Variants in PRUNE2 observed in about 807,000 individuals in gnomAD.
PRUNE2 encodes the protein protein prune homolog 2.
In PRUNE2, 164 loss-of-function variants were observed where a neutral mutation model predicts 252.0. That is an observed-to-expected ratio of 0.65 (90% CI 0.57 to 0.74). The LOEUF (loss-of-function observed/expected upper bound fraction) is 0.74. Among genes scored for constraint, PRUNE2 ranks in the 30% least tolerant of loss-of-function variants. The probability of loss-of-function intolerance (pLI) is 0.00; values close to 1 mark genes in which losing one functional copy is unlikely to be tolerated. For synonymous variants in PRUNE2, 1,292 were observed against 1,350.2 expected (o/e 0.96, Z 0.94); for missense variants, 3,495 against 3,711.0 (o/e 0.94, Z 1.51).
intron 7 of PRUNE2, among the ~76,000 whole-genome samples, chr9:76,711,719 A>G (rs1588757952): frequency 6.6e-6 from 1 of 152,252 alleles, no homozygotes; most frequent in African/African-American, 2.4e-5. Flanking sequence ...GCTGACAACT[A>G]TAGGAAAAGT....
At position 76,854,180 on chromosome 9, in the gene PRUNE2, T is replaced by A. The variant is rs141074390; in HGVS notation, c.65A>T (p.His22Leu). ...LNRSKRLEKV[H>L]VVIGPKSCDL... is the part of the protein sequence containing the mutation. ...ACACGATTTAGGCCCAATAACCACATGGACCTTCTCCAAGCGTTTGCTTCG... is the reference window on the plus strand; with the variant it reads ...ACACGATTTAGGCCCAATAACCACAAGGACCTTCTCCAAGCGTTTGCTTCG... Residue 22 changes from histidine to leucine, a missense_variant, in exon 2 of 19, where the codon CAT becomes CTT. His to Leu is a moderately conservative substitution (Grantham distance 99, BLOSUM62 -3). Coordinates refer to ENST00000376718, the MANE Select transcript of PRUNE2 (RefSeq NM_015225.3). The A allele has an allele frequency of 4.8e-4, 775 of 1,601,568 alleles. No individual in the cohort carries two copies. The highest frequency in any genetic ancestry group is 6.4e-4 in the Non-Finnish European group (747 of 1,171,890).
At chr9:76,702,609 G>GTGAATGAATGAATGAATGAA (rs59841123) in intron 9 of PRUNE2, among the ~76,000 whole-genome samples, 32,767 of 150,780 alleles carry the variant, frequency 0.22, 3,997 homozygotes, top group Non-Finnish European at 0.27. Context: ...AAACCACATG[G>GTGAATGAATGAATGAATGAA]TGAATGAATG....
rs73454189 is a variant in PRUNE2, at chr9:76,621,685, T to G, written c.9189-2298A>C. Among the ~76,000 whole-genome samples, 282 of 149,074 alleles carry G rather than the reference T, an allele frequency of 1.9e-3. 2 individuals are homozygous for G. Among genetic ancestry groups the G allele is most frequent in the African/African-American group, 6.8e-3 (275 of 40,208 alleles). On this transcript the variant is annotated intron_variant, in intron 17 of 18. Coordinates refer to ENST00000376718, the MANE Select transcript of PRUNE2 (RefSeq NM_015225.3). ...CTGGGAACTTGTTAGAAATGCAGAC[T>G]TTTTTTTTTCTTGAGACAGGGTCTC...
chr9:76,640,360 C>T (rs1411635338), intron 12 of PRUNE2, among the ~76,000 whole-genome samples: 1 of 152,086 alleles, frequency 6.6e-6, no homozygotes, highest in Non-Finnish European at 1.5e-5. Context: ...GGGAAGAGAG[C>T]AAAACTAACT....
At chr9:76,655,078 T>A (rs188343943) in intron 10 of PRUNE2, among the ~76,000 whole-genome samples, 147 of 152,340 alleles carry the variant, frequency 9.6e-4, no homozygotes, top group South Asian at 1.2e-3. Flanking sequence ...ACATTTCCAA[T>A]TTTAAACATT....
At chr9:76,723,026 C>T (rs927295102) in intron 6 of PRUNE2, among the ~76,000 whole-genome samples, 2 of 152,188 alleles carry the variant, frequency 1.3e-5, no homozygotes, top group African/African-American at 4.8e-5. Context: ...CAATTGCTAA[C>T]AATAATGCGC....
intron 6 of PRUNE2, among the ~76,000 whole-genome samples, chr9:76,771,061 A>G (rs1564263569): frequency 6.6e-6 from 1 of 152,170 alleles, no homozygotes; most frequent in Admixed American, 6.5e-5. Context: ...TCGACAAAAA[A>G]TTATCTAAAG....
intron 17 of PRUNE2, among the ~76,000 whole-genome samples, chr9:76,622,128 GAACT>G (rs1453254862): frequency 4.6e-5 from 7 of 152,152 alleles, no homozygotes; most frequent in Admixed American, 3.3e-4. Flanking sequence ...CAACAGCAAT[GAACT>G]GAATGTTATG....
At chr9:76,784,529 C>G (rs940273692) in intron 6 of PRUNE2, 1 of 152,228 alleles carries the variant, frequency 6.6e-6, no homozygotes, top group African/African-American at 2.4e-5. Context: ...AATATCTGAT[C>G]TCTACGGTTC....
At chr9:76,862,488 T>G (rs188146356) in intron 1 of PRUNE2, 5 of 152,190 alleles carry the variant, frequency 3.3e-5, no homozygotes, top group Non-Finnish European at 5.9e-5. Flanking sequence ...GGCCTCCAGG[T>G]TGGAGTCATG....
At chr9:76,879,074 AGT>A (rs1264377320) in intron 1 of PRUNE2, among the ~76,000 whole-genome samples, 1 of 152,214 alleles carries the variant, frequency 6.6e-6, no homozygotes, top group Non-Finnish European at 1.5e-5. Flanking sequence ...CATTTTCCAA[AGT>A]GTGTTCCAGT....
chr9:76,717,300 C>T (rs1030036074), intron 6 of PRUNE2, among the ~76,000 whole-genome samples: 2 of 152,170 alleles, frequency 1.3e-5, no homozygotes, highest in African/African-American at 2.4e-5. Context: ...GGAGGCAGAG[C>T]GTGTTTGTTC....
intron 6 of PRUNE2, among the ~76,000 whole-genome samples, chr9:76,761,414 G>T (rs1164422980): frequency 1.3e-5 from 2 of 152,100 alleles, no homozygotes; most frequent in Non-Finnish European, 1.5e-5. Flanking sequence ...AAATGGTGTC[G>T]ACAAAAATTA....
intron 1 of PRUNE2, among the ~76,000 whole-genome samples, chr9:76,890,660 C>T (rs542857211): frequency 6.6e-6 from 1 of 152,226 alleles, no homozygotes; most frequent in African/African-American, 2.4e-5. Context: ...AAATATCATC[C>T]CAAGTCTACT....
At chr9:76,893,836 G>C (rs904965449) in intron 1 of PRUNE2, among the ~76,000 whole-genome samples, 3 of 152,152 alleles carry the variant, frequency 2.0e-5, no homozygotes, top group Admixed American at 6.5e-5. Context: ...CTGGAGACTG[G>C]AGCCAAGAGT....
rs1588697903 is a variant in PRUNE2 at position 76,704,075 on chromosome 9, A to T, written c.7538T>A (p.Leu2513Ter). Residue 2513 changes from leucine to a stop codon, truncating the protein, a stop_gained, in exon 9 of 19, where the codon TTG (leucine) becomes TAG (stop). Transcript: ENST00000376718. LOFTEE classifies it high-confidence loss of function. ...PNGASKEISELEEEKTIPTKE... is the reference protein window; with the variant it reads ...PNGASKEISE ...GGTAGGAATTGTTTTTTCTTCTTCC[A>T]ATTCTGATATTTCCTTGCTGGCACC... 1 of 1,598,356 alleles carries T rather than the reference A, an allele frequency of 6.3e-7. No individual in the cohort carries two copies. The highest frequency in any genetic ancestry group is 8.5e-7 in the Non-Finnish European group (1 of 1,173,962).
chr9:76,829,010 C>A (rs2058510007), intron 4 of PRUNE2, among the ~76,000 whole-genome samples: 1 of 90,066 alleles, frequency 1.1e-5, no homozygotes, highest in African/African-American at 5.2e-5. Context: ...GAGTCTCACT[C>A]TGTCTCAAAA....
intron 6 of PRUNE2, among the ~76,000 whole-genome samples, chr9:76,802,474 G>T (rs995008684): frequency 6.6e-6 from 1 of 152,078 alleles, no homozygotes; most frequent in African/African-American, 2.4e-5. Flanking sequence ...CTCACAACAG[G>T]CAGCGGAAAA....
rs71354669 is a variant in PRUNE2 at position 76,676,065 on chromosome 9, T to TAA, written c.8277-20565_8277-20564dup. Among the ~76,000 whole-genome samples, 951 of 144,358 alleles carry TAA rather than the reference T, an allele frequency of 6.6e-3. 7 individuals are homozygous for TAA. The highest frequency in any genetic ancestry group is 0.017 in the African/African-American group (647 of 38,402). The allele number at this position is 144,358 out of a possible 152,430, so 94.7% of individuals were successfully genotyped here. On this transcript the variant is annotated intron_variant, in intron 9 of 18. Transcript: ENST00000376718. Reference sequence around the variant, plus strand: ...ATGTACCCTAAAACTTAAAGTATAATAAAAAAAAAACCAAAAACAAAAAAA... The same window carrying TAA: ...ATGTACCCTAAAACTTAAAGTATAATAAAAAAAAAAAACCAAAAACAAAAAAA...
Sources: gnomAD v4.1 joint callset for allele counts (sites outside exome capture counted in the v4.1 genomes callset) on GRCh38, gnomAD v4.1.1 for gene constraint, MANE v1.5 for transcripts, NCBI Gene and HGNC (gene_info 2026-07-23, HGNC 2026-07-21) for gene names.